The following B4GALT6 variants were observed in gnomAD, a reference collection of about 807,000 sequenced individuals.
The protein encoded by B4GALT6 is beta-1,4-galactosyltransferase 6.
B4GALT6 carries 14 observed loss-of-function variants against 46.3 expected under a neutral mutation model. That is an observed-to-expected ratio of 0.30 (90% confidence interval 0.20 to 0.47). The LOEUF (loss-of-function observed/expected upper bound fraction) is 0.47, where lower values mean the gene tolerates loss of function less well. Among genes scored for constraint, B4GALT6 ranks in the 20% least tolerant of loss-of-function variants. The probability of loss-of-function intolerance (pLI) is 0.99; values close to 1 mark genes in which losing one functional copy is unlikely to be tolerated. For synonymous variants in B4GALT6, 168 were observed against 162.0 expected (o/e 1.04, Z -0.28); for missense variants, 386 against 480.1 (o/e 0.80, Z 1.83).
At position 31,658,051 on chromosome 18, in the gene B4GALT6, G is replaced by C. The variant is rs2074163877; in HGVS notation, c.271C>G (p.Gln91Glu). ...TTTTCCGGGAGATACGTTGTTGTTT[G>C]AACAAGATAATCACTTGAATTATTG... ...EGNNSSDYLV[Q>E]TTTYLPENFT... Residue 91 changes from glutamine to glutamate, a missense_variant, in exon 3 of 9, where the codon CAA (glutamine) becomes GAA (glutamate). Physicochemically the swap from Gln to Glu is conservative, Grantham distance 29. This residue lies in a region of B4GALT6 where 323 missense variants were observed against 438.9 expected (regional missense o/e 0.74). Transcript: ENST00000306851. 1.2e-6 allele frequency: 2 copies of C among 1,607,838 alleles called. No homozygotes were observed. The highest frequency in any genetic ancestry group is 1.7e-6 in the Non-Finnish European group (2 of 1,178,130).
the B4GALT6 span, among the ~76,000 whole-genome samples, chr18:31,709,560 T>C: frequency 4.8e-5 from 1 of 21,050 alleles, no homozygotes; most frequent in African/African-American, 9.9e-5. Context: ...TATATGTGTG[T>C]GTGTGTGTGT....
intron 1 of B4GALT6, among the ~76,000 whole-genome samples, chr18:31,672,851 A>T (rs757218342): frequency 6.6e-6 from 1 of 152,146 alleles, no homozygotes; most frequent in Non-Finnish European, 1.5e-5. Context: ...CTTGACCATC[A>T]CACCATTTAG....
intron 8 of B4GALT6, 22 bp from the exon 9 acceptor site, chr18:31,625,783 C>CA: frequency 6.4e-7 from 1 of 1,551,236 alleles, no homozygotes; most frequent in South Asian, 1.2e-5. Context: ...GAGGAAAAAA[C>CA]AAAAAAGCAA....
At position 31,637,139 on chromosome 18, in the gene B4GALT6, T is replaced by G. The variant is rs549645734; in HGVS notation, c.588+1505A>C. 2.1e-3 allele frequency among the ~76,000 whole-genome samples: 323 copies of G among 152,308 alleles called. 2 individuals carry two copies. The highest frequency in any genetic ancestry group is 4.0e-3 in the Non-Finnish European group (274 of 68,030). On this transcript the variant is annotated intron_variant, in intron 5 of 8. Coordinates refer to ENST00000306851, the MANE Select transcript of B4GALT6 (RefSeq NM_004775.5). ...AGGCCAAATTCTTTATATTTACACTTTATAGCCTTTAAACAAAGACTACAA... is the reference window on the plus strand; with the variant it reads ...AGGCCAAATTCTTTATATTTACACTGTATAGCCTTTAAACAAAGACTACAA...
the B4GALT6 span, among the ~76,000 whole-genome samples, chr18:31,720,744 C>A: frequency 6.6e-6 from 1 of 152,320 alleles, no homozygotes; most frequent in East Asian, 1.9e-4. Flanking sequence ...GCTCACCACC[C>A]GTGCCATAGG....
rs1466475230 is a variant in B4GALT6 at position 31,667,762 on chromosome 18, TTACTA to T, written c.116-1395_116-1391del. 2.0e-5 allele frequency among the ~76,000 whole-genome samples: 3 copies of T among 152,206 alleles called. No individual in the cohort carries two copies. In the South Asian group the frequency reaches 6.2e-4, roughly 32 times the overall value. On this transcript the variant is annotated intron_variant, in intron 1 of 8. Transcript: ENST00000306851. ...AGATTTAACTTGCCTACACCTGAAT[TTACTA>T]TACTAGTTTACAAATACAACACATT...
At chr18:31,649,225 G>A (rs1257605034) in intron 3 of B4GALT6, among the ~76,000 whole-genome samples, 6 of 152,034 alleles carry the variant, frequency 3.9e-5, no homozygotes, top group South Asian at 2.1e-4. Context: ...TAAGCTTCTC[G>A]ACTTATAAAA....
At chr18:31,650,799 C>A (rs192745062) in intron 3 of B4GALT6, among the ~76,000 whole-genome samples, 6 of 151,996 alleles carry the variant, frequency 3.9e-5, no homozygotes, top group Non-Finnish European at 8.8e-5. Context: ...GACGGAGTCT[C>A]GCTCTGTCAC....
the B4GALT6 span, among the ~76,000 whole-genome samples, chr18:31,691,229 C>T: frequency 7.8e-6 from 1 of 128,920 alleles, no homozygotes; most frequent in Non-Finnish European, 1.7e-5. Context: ...AGTACAAAAA[C>T]AGGGCAATAA....
chr18:31,649,790 T>C (rs1791181), intron 3 of B4GALT6, among the ~76,000 whole-genome samples: 87,861 of 152,030 alleles, frequency 0.58, 27,198 homozygotes, highest in African/African-American at 0.82. Flanking sequence ...GAAAAGGAGA[T>C]GCTTATACAC....
chr18:31,694,900 GT>G, the B4GALT6 span, among the ~76,000 whole-genome samples: 1 of 152,068 alleles, frequency 6.6e-6, no homozygotes, highest in Non-Finnish European at 1.5e-5. Context: ...ACTGTTAATG[GT>G]AGAATAATTT....
At chr18:31,688,485 A>G (rs2030006801), upstream of B4GALT6, among the ~76,000 whole-genome samples, 1 of 152,040 alleles carries the variant, frequency 6.6e-6, no homozygotes, top group African/African-American at 2.4e-5. Flanking sequence ...ATGAAATAAT[A>G]TAGAACTGTA....
chr18:31,654,840 T>G (rs772869112), intron 3 of B4GALT6, among the ~76,000 whole-genome samples: 1 of 152,236 alleles, frequency 6.6e-6, no homozygotes, highest in Non-Finnish European at 1.5e-5. Context: ...TTTATACTTA[T>G]GTATTTTATT....
chr18:31,629,809 C>T (rs1024731348), intron 6 of B4GALT6, among the ~76,000 whole-genome samples: 1 of 145,552 alleles, frequency 6.9e-6, no homozygotes, highest in African/African-American at 2.6e-5. Context: ...GAGATCGCAC[C>T]ACTGCACTCC....
intron 5 of B4GALT6, among the ~76,000 whole-genome samples, chr18:31,635,510 T>C (rs1287816806): frequency 2.0e-5 from 3 of 152,158 alleles, no homozygotes; most frequent in South Asian, 2.1e-4. Context: ...GTATGTTATA[T>C]TAAATACCAA....
the B4GALT6 span, among the ~76,000 whole-genome samples, chr18:31,713,845 C>A: frequency 6.6e-6 from 1 of 152,222 alleles, no homozygotes; most frequent in African/African-American, 2.4e-5. Flanking sequence ...CGCTGACAAG[C>A]TCGAGTTAAT....
At chr18:31,700,212 T>A in the B4GALT6 span, among the ~76,000 whole-genome samples, 8 of 152,118 alleles carry the variant, frequency 5.3e-5, no homozygotes, top group Middle Eastern at 3.2e-3. Flanking sequence ...TCTTAAAAAC[T>A]GTTCAGCAAA....
At position 31,684,516 on chromosome 18, in the gene B4GALT6, G is replaced by A. The variant is rs1202081543; in HGVS notation, c.-90C>T. On this transcript the variant is annotated 5_prime_UTR_variant, in exon 1 of 9. Transcript: ENST00000306851. ...CCCTAAACTTCCATAAATGTGCTGA[G>A]AACCCCGAGACTGCAGCGGGGTCCG... The A allele has an allele frequency of 2.6e-6, 4 of 1,537,714 alleles. No homozygotes were observed. The highest frequency in any genetic ancestry group is 2.6e-6 in the Non-Finnish European group (3 of 1,142,260).
chr18:31,670,418 C>G (rs990565554), intron 1 of B4GALT6, among the ~76,000 whole-genome samples: 1 of 85,642 alleles, frequency 1.2e-5, no homozygotes, highest in Non-Finnish European at 2.5e-5. Context: ...AGTGCATTTA[C>G]TATTCATTAG....
Sources: gnomAD v4.1 joint callset for allele counts (sites outside exome capture counted in the v4.1 genomes callset) on GRCh38, gnomAD v4.1.1 for gene constraint, gnomAD v4.1.1 regional missense constraint, MANE v1.5 for transcripts, NCBI Gene and HGNC (gene_info 2026-07-23, HGNC 2026-07-21) for gene names.